Variants in ABCB8 observed in about 807,000 individuals in gnomAD.
ABCB8 encodes ATP binding cassette subfamily B member 8.
Under a neutral mutation model 73.0 loss-of-function variants are expected in ABCB8, and 52 were observed. The ratio of observed to expected loss-of-function variants is 0.71; its 90% CI spans 0.57 to 0.90. ABCB8 has a LOEUF of 0.90. Ranked by LOEUF, ABCB8 falls within the 40% of genes least tolerant of loss-of-function variation. ABCB8 has a pLI of 0.00. For missense variants in ABCB8, 909 were observed against 974.6 expected, an observed-to-expected ratio of 0.93 and a Z score of 0.90; for synonymous variants, 428 against 423.5, an observed-to-expected ratio of 1.01 and a Z score of -0.13.
Position 151,040,504 on chromosome 7 carries a change from CG to C in ABCB8, c.1263del (p.Leu422Ter). ...TTTGGATCCCCTCCCACAGGTGGTC[CG>C]GGGGCTGAGTGCAGGTGCCCGGGTC... The part of the protein sequence containing the change: ...NLSVLFGQVV[R>X]GLSAGARVFE... On this transcript the variant is annotated frameshift_variant, in exon 11 of 16. Transcript: ENST00000358849. LOFTEE classifies it high-confidence loss of function. The C allele has an allele frequency of 6.2e-7, 1 of 1,610,952 alleles. No homozygotes were observed. The highest frequency in any genetic ancestry group is 8.5e-7 in the Non-Finnish European group (1 of 1,178,126).
chr7:151,034,284 T>C lies in ABCB8; in HGVS notation c.420T>C (p.Gly140=). 1 of 1,612,638 alleles carries C rather than the reference T, an allele frequency of 6.2e-7. No homozygotes were observed. Among genetic ancestry groups the C allele is most frequent in the Non-Finnish European group, 8.5e-7 (1 of 1,179,606 alleles). ...VLGVAVVLAL[G]AALVNVQIPL... ...TCTCCCCATTCCAGCTGGCCTTGGG[T>C]GCGGCACTCGTGAATGTACAGATCC... Residue 140 remains glycine (G), a synonymous_variant, in exon 3 of 16, where the codon GGT becomes GGC. Transcript: ENST00000358849.
At position 151,045,688 on chromosome 7, in the gene ABCB8, C is replaced by G. The variant is rs1796595659; in HGVS notation, c.*339C>G. On this transcript the variant is annotated 3_prime_UTR_variant, in exon 16 of 16. Transcript: ENST00000358849. ...TCAAGAGACGTTCTGGCCAGTCTCC[C>G]TGCCCCACCCAGCAGCTTCAAATTG... 4.1e-6 allele frequency: 1 copy of G among 243,152 alleles called. No individual in the cohort carries two copies. The highest frequency in any genetic ancestry group is 2.2e-5 in the African/African-American group (1 of 44,786). The allele number at this position is 243,152 out of a possible 1,614,324, so 15.1% of individuals were successfully genotyped here. A position where few individuals can be genotyped will look rare whatever the true frequency, so the allele number is the denominator to read the frequency against.
chr7:151,042,901 C>T (rs1255417714), intron 14 of ABCB8, among the ~76,000 whole-genome samples: 1 of 152,248 alleles, frequency 6.6e-6, no homozygotes, highest in South Asian at 2.1e-4. Flanking sequence ...CAGCTGTCCT[C>T]ACTGGGTGCT....
chr7:151,044,129 G>A lies in ABCB8; in HGVS notation c.1924G>A (p.Ala642Thr). ...VVQEALDRAS[A>T]GRTVLVIAHR... ...ACAGGAGGCCCTGGACCGGGCCAGT[G>A]CAGGCCGCACGGTGCTGGTAATTGC... Residue 642 changes from alanine (A) to threonine (T), a missense_variant, in exon 15 of 16, where the codon GCA (alanine) becomes ACA (threonine). Ala to Thr is a moderately conservative substitution (Grantham distance 58). Transcript: ENST00000358849. The A allele has an allele frequency of 1.9e-6, 3 of 1,613,988 alleles. No homozygotes were observed. The highest frequency in any genetic ancestry group is 2.5e-6 in the Non-Finnish European group (3 of 1,179,978).
intron 10 of ABCB8, 72 bp from the exon 11 acceptor site, chr7:151,040,426 T>C (rs1211898779): frequency 6.3e-7 from 1 of 1,579,800 alleles, no homozygotes; most frequent in East Asian, 2.3e-5. Context: ...CCCAGAGCCA[T>C]GGCCACTCCC....
At chr7:151,034,655 G>T in intron 4 of ABCB8, 56 bp downstream of exon 4, 1 of 1,611,806 alleles carries the variant, frequency 6.2e-7, no homozygotes, top group Non-Finnish European at 8.5e-7. Context: ...AGGGGTCTGG[G>T]GGTAGGACCT....
rs892188998 is a variant in ABCB8 at position 151,041,205 on chromosome 7, G to T, written c.1590G>T (p.Arg530=). Residue 530 remains arginine (R), a synonymous_variant, in exon 13 of 16, where the codon CGG becomes CGT. Transcript: ENST00000358849. ...DLRTLDPSWL[R]GQVVGFISQE... Reference sequence around the variant, plus strand: ...GCACCCTTGACCCCTCCTGGCTCCGGGGCCAGGTTGTCGGCTTCATCAGCC... The same window carrying T: ...GCACCCTTGACCCCTCCTGGCTCCGTGGCCAGGTTGTCGGCTTCATCAGCC... 2 of 1,605,418 alleles carry T rather than the reference G, an allele frequency of 1.2e-6. No individual in the cohort carries two copies. The highest frequency in any genetic ancestry group is 2.2e-5 in the South Asian group (2 of 91,046).
intron 1 of ABCB8, among the ~76,000 whole-genome samples, chr7:151,032,659 AC>A (rs995504544): frequency 6.6e-6 from 1 of 150,578 alleles, no homozygotes; most frequent in Non-Finnish European, 1.5e-5. Flanking sequence ...GTGCCGCTTC[AC>A]TCCAGCCGGG....
intron 9 of ABCB8, chr7:151,040,023 C>T (rs1796412202): frequency 9.8e-6 from 5 of 511,336 alleles, no homozygotes; most frequent in Admixed American, 3.9e-5. Flanking sequence ...GGAGCACCCC[C>T]TCCCAGGGGC....
intron 1 of ABCB8, chr7:151,028,847 C>T (rs746594274): frequency 6.5e-7 from 1 of 1,548,022 alleles, no homozygotes; most frequent in South Asian, 1.2e-5. Flanking sequence ...GGAGGGGACG[C>T]TCGGGGTCAG....
chr7:151,043,931 T>G, intron 14 of ABCB8, 40 bp from the exon 15 acceptor site: 1 of 1,599,182 alleles, frequency 6.3e-7, no homozygotes, highest in Non-Finnish European at 8.6e-7. Flanking sequence ...CACCCTCAAG[T>G]GCACAGCTTC....
chr7:151,041,230 C>G lies in ABCB8; in HGVS notation c.1615C>G (p.Gln539Glu). 1 of 1,599,844 alleles carries G rather than the reference C, an allele frequency of 6.3e-7. No individual in the cohort carries two copies. The highest frequency in any genetic ancestry group is 8.5e-7 in the Non-Finnish European group (1 of 1,178,160). The change falls in exon 13 of 16, where the codon CAG becomes GAG. Residue 539 changes from glutamine (Q) to glutamate (E), a missense_variant and splice_region_variant. Gln to Glu is a conservative substitution (Grantham distance 29). Coordinates refer to ENST00000358849, the MANE Select transcript of ABCB8 (RefSeq NM_007188.5). Reference sequence around the variant, plus strand: ...GGGCCAGGTTGTCGGCTTCATCAGCCAGGTGCGGGGCCACATGGGCAGCCC... The same window carrying G: ...GGGCCAGGTTGTCGGCTTCATCAGCGAGGTGCGGGGCCACATGGGCAGCCC... ...LRGQVVGFIS[Q>E]EPVLFGTTIM...
At chr7:151,028,637 C>T (rs1257864344) in intron 1 of ABCB8, 27 bp downstream of exon 1, 2 of 1,602,944 alleles carry the variant, frequency 1.2e-6, no homozygotes, top group Non-Finnish European at 1.7e-6. Context: ...CTACTCAGAG[C>T]GGGCCATTGA....
At position 151,036,178 on chromosome 7, in the gene ABCB8, A is replaced by G; in HGVS notation, c.1111+8A>G. 1 of 1,598,920 alleles carries G rather than the reference A, an allele frequency of 6.3e-7. No homozygotes were observed. Among genetic ancestry groups the G allele is most frequent in the Non-Finnish European group, 8.6e-7 (1 of 1,169,340 alleles). ...CCAACATCGCCTTCAACTGTGAGTG[A>G]GCCATTTGGGGGCTGGAGGGGCGCT... On this transcript the variant is annotated splice_region_variant and intron_variant, in intron 8 of 15. Transcript: ENST00000358849.
intron 9 of ABCB8, 173 bp from the exon 10 acceptor site, chr7:151,040,095 C>T (rs149832214): frequency 1.6e-5 from 11 of 669,866 alleles, no homozygotes; most frequent in East Asian, 1.5e-4. Flanking sequence ...CAGGGCTCAG[C>T]GATCTGGTGT....
intron 5 of ABCB8, among the ~76,000 whole-genome samples, chr7:151,035,147 T>A (rs1796268335): frequency 6.6e-6 from 1 of 152,112 alleles, no homozygotes; most frequent in South Asian, 2.1e-4. Context: ...GTCCCCAGAG[T>A]GCCTGGATTG....
chr7:151,047,186 G>A lies in ABCB8; in HGVS notation c.*1837G>A, dbSNP rs909249092. The A allele has an allele frequency of 1.3e-5, 2 of 152,216 alleles. No homozygotes were observed. The highest frequency in any genetic ancestry group is 2.9e-5 in the Non-Finnish European group (2 of 68,050). The allele number at this position is 152,216 out of a possible 1,614,324, so 9.4% of individuals were successfully genotyped here. A position where few individuals can be genotyped will look rare whatever the true frequency, so the allele number is the denominator to read the frequency against. ...CTGACACCAGATTTATATCTTCTGG[G>A]CGGCTTCTTTAAATCCAGCCCTTCA... On this transcript the variant is annotated 3_prime_UTR_variant, in exon 16 of 16. Coordinates refer to ENST00000358849, the MANE Select transcript of ABCB8 (RefSeq NM_007188.5).
chr7:151,028,881 C>G (rs374331390), intron 1 of ABCB8: 1 of 1,510,600 alleles, frequency 6.6e-7, no homozygotes, highest in Non-Finnish European at 8.9e-7. Flanking sequence ...TCCGCACTCC[C>G]GACCGGGGGT....
Position 151,034,277 on chromosome 7 carries a change from C to T in ABCB8, c.413C>T (p.Ala138Val), listed in dbSNP as rs748907280. The T allele has an allele frequency of 1.9e-6, 3 of 1,611,576 alleles. No individual in the cohort carries two copies. The Admixed American group carries it at 5.0e-5, about 27-fold the overall frequency. Residue 138 changes from alanine (A) to valine (V), a missense_variant, in exon 3 of 16, where the codon GCC (alanine) becomes GTC (valine). By Grantham distance (64) the Ala-to-Val change is moderately conservative. Transcript: ENST00000358849. Reference protein sequence around the residue: ...LLVLGVAVVLALGAALVNVQI... With the variant: ...LLVLGVAVVLVLGAALVNVQI... Reference sequence around the variant, plus strand: ...CCCTCTGTCTCCCCATTCCAGCTGGCCTTGGGTGCGGCACTCGTGAATGTA... The same window carrying T: ...CCCTCTGTCTCCCCATTCCAGCTGGTCTTGGGTGCGGCACTCGTGAATGTA...
Sources: gnomAD v4.1 joint callset for allele counts (sites outside exome capture counted in the v4.1 genomes callset) on GRCh38, gnomAD v4.1.1 for gene constraint, MANE v1.5 for transcripts, NCBI Gene and HGNC (gene_info 2026-07-23, HGNC 2026-07-21) for gene names.